Variants in SMYD4 observed in about 807,000 individuals in gnomAD.
SMYD4 encodes the protein protein-lysine N-methyltransferase SMYD4.
A neutral mutation model predicts 72.8 loss-of-function variants in SMYD4; 68 were observed. The observed-to-expected ratio is 0.93, with a 90% CI of 0.77 to 1.14. The LOEUF (loss-of-function observed/expected upper bound fraction) is 1.14. Ranked by LOEUF, SMYD4 falls within the 50% of genes most tolerant of loss-of-function variation. The pLI is 0.00. For synonymous variants in SMYD4, 407 were observed against 388.6 expected (o/e 1.05, Z -0.56); for missense variants, 984 against 1,003.7 (o/e 0.98, Z 0.27).
chr17:1,807,584 A>C (rs1910109147), intron 3 of SMYD4, among the ~76,000 whole-genome samples: 1 of 151,824 alleles, frequency 6.6e-6, no homozygotes, highest in Non-Finnish European at 1.5e-5. Context: ...GCTGGTCTTC[A>C]ACTTCCAACC....
chr17:1,786,993 A>G lies in SMYD4; in HGVS notation c.1721-20T>C, dbSNP rs1908728859. On this transcript the variant is annotated intron_variant, in intron 6 of 10. Transcript: ENST00000305513. ...GAGGCCCTGGAGGGAGATCACCGTC[A>G]GCCAATATTGAAAGCAAGAGAGAGT... 6.3e-7 allele frequency: 1 copy of G among 1,586,488 alleles called. No individual in the cohort carries two copies. Among genetic ancestry groups the G allele is most frequent in the Non-Finnish European group, 8.5e-7 (1 of 1,170,168 alleles).
At chr17:1,798,223 T>C (rs1909510391) in intron 5 of SMYD4, among the ~76,000 whole-genome samples, 1 of 151,518 alleles carries the variant, frequency 6.6e-6, no homozygotes. Flanking sequence ...CTCTGCCTCC[T>C]GGGCTGAAGT....
At chr17:1,785,506 G>A (rs113550034) in intron 7 of SMYD4, among the ~76,000 whole-genome samples, 24 of 150,688 alleles carry the variant, frequency 1.6e-4, no homozygotes, top group Admixed American at 5.3e-4. Flanking sequence ...TAATCCCAGC[G>A]CTTTGGGTGG....
intron 3 of SMYD4, among the ~76,000 whole-genome samples, chr17:1,810,669 G>A (rs947552246): frequency 6.6e-6 from 1 of 152,196 alleles, no homozygotes; most frequent in Non-Finnish European, 1.5e-5. Flanking sequence ...TCCCGCCTTC[G>A]CGCCCAAATG....
intron 2 of SMYD4, among the ~76,000 whole-genome samples, chr17:1,826,263 C>A (rs1285365483): frequency 2.0e-5 from 3 of 152,004 alleles, no homozygotes; most frequent in Non-Finnish European, 2.9e-5. Flanking sequence ...GAGGCCAAGG[C>A]GGGCGGATCA....
intron 2 of SMYD4, among the ~76,000 whole-genome samples, chr17:1,825,854 C>T (rs1396549997): frequency 9.9e-5 from 15 of 151,658 alleles, no homozygotes; most frequent in Admixed American, 7.3e-4. Flanking sequence ...TGGTTCACTC[C>T]ACCATCCTAA....
chr17:1,806,893 G>GCT (rs1222409177), intron 3 of SMYD4, among the ~76,000 whole-genome samples: 1 of 151,788 alleles, frequency 6.6e-6, no homozygotes, highest in African/African-American at 2.4e-5. Context: ...ACATACAAGG[G>GCT]TTTTTTTCTT....
chr17:1,822,796 C>T (rs1167914397), intron 2 of SMYD4, among the ~76,000 whole-genome samples: 8 of 152,096 alleles, frequency 5.3e-5, no homozygotes, highest in Non-Finnish European at 1.0e-4. Context: ...CTTTTATTTA[C>T]ACCACCAATC....
At position 1,827,989 on chromosome 17, in the gene SMYD4, A is replaced by G. The variant is rs377632089; in HGVS notation, c.6T>C (p.Asp2=). The G allele has an allele frequency of 1.2e-4, 195 of 1,609,186 alleles. No individual in the cohort carries two copies. The highest frequency in any genetic ancestry group is 1.6e-4 in the Non-Finnish European group (188 of 1,175,998). Residue 2 remains aspartate, a synonymous_variant, in exon 2 of 11, where the codon GAT becomes GAC. Coordinates refer to ENST00000305513, the MANE Select transcript of SMYD4 (RefSeq NM_052928.3). ...ATGATTTCCATTCATCCACAGGCAG[A>G]TCCATGCTGCTTTTGATCTATAAAA... The part of the protein sequence containing the change: M[D]LPVDEWKSYL...
At chr17:1,799,804 C>T in intron 5 of SMYD4, 53 bp downstream of exon 5, 5 of 1,473,730 alleles carry the variant, frequency 3.4e-6, no homozygotes, top group Non-Finnish European at 4.5e-6. Context: ...TTCTCAAACA[C>T]CTGCTCCATC....
intron 2 of SMYD4, among the ~76,000 whole-genome samples, chr17:1,826,113 A>G (rs1911153916): frequency 6.6e-6 from 1 of 152,188 alleles, no homozygotes; most frequent in Non-Finnish European, 1.5e-5. Context: ...ATTTATGAAG[A>G]TCTCCTACAA....
intron 3 of SMYD4, among the ~76,000 whole-genome samples, chr17:1,809,632 CCCAAAG>C (rs761988008): frequency 6.6e-6 from 1 of 151,472 alleles, no homozygotes; most frequent in Non-Finnish European, 1.5e-5. Flanking sequence ...GCCTCGGCCT[CCCAAAG>C]TGCTGGGATT....
At chr17:1,824,289 G>A (rs57905078) in intron 2 of SMYD4, among the ~76,000 whole-genome samples, 1,777 of 152,302 alleles carry the variant, frequency 0.012, 33 homozygotes, top group African/African-American at 0.04. Flanking sequence ...GTTGCAGTGA[G>A]CTGAGATTGC....
intron 3 of SMYD4, among the ~76,000 whole-genome samples, chr17:1,807,049 C>T (rs538611090): frequency 9.9e-5 from 15 of 152,014 alleles, no homozygotes; most frequent in Non-Finnish European, 2.1e-4. Context: ...CGCCACCATG[C>T]CCAGCTTATT....
chr17:1,806,508 T>C (rs1167945609), intron 3 of SMYD4, among the ~76,000 whole-genome samples: 2 of 152,150 alleles, frequency 1.3e-5, no homozygotes, highest in African/African-American at 2.4e-5. Flanking sequence ...GGCAATGATA[T>C]GGACAATTCT....
intron 3 of SMYD4, among the ~76,000 whole-genome samples, chr17:1,807,930 T>G (rs754902847): frequency 6.6e-6 from 1 of 152,100 alleles, no homozygotes; most frequent in Middle Eastern, 3.2e-3. Flanking sequence ...AAAATCTACA[T>G]GAACAGATTC....
chr17:1,824,705 C>T (rs961731703), intron 2 of SMYD4, among the ~76,000 whole-genome samples: 4 of 152,072 alleles, frequency 2.6e-5, no homozygotes, highest in Non-Finnish European at 5.9e-5. Context: ...CTGCACCCTC[C>T]GTCTCCCAGG....
At chr17:1,816,288 C>T (rs1910585995) in intron 2 of SMYD4, among the ~76,000 whole-genome samples, 1 of 152,024 alleles carries the variant, frequency 6.6e-6, no homozygotes, top group Admixed American at 6.6e-5. Flanking sequence ...CAAGGTACAT[C>T]ATGTTGTAGT....
chr17:1,800,486 G>A lies in SMYD4; in HGVS notation c.908C>T (p.Thr303Ile). Residue 303 changes from threonine to isoleucine, a missense_variant, in exon 5 of 11, where the codon ACT becomes ATT. Physicochemically the swap from Thr to Ile is moderately conservative, Grantham distance 89. Coordinates refer to ENST00000305513, the MANE Select transcript of SMYD4 (RefSeq NM_052928.3). The stretch of plus-strand genomic sequence containing the variant: ...TCCGTCACACGGAACTGTGGCCAAA[G>A]TGTGCTTCAAACATCGGTGACAATA... ...DLYCHRCLKH[T>I]LATVPCDGCS... The A allele has an allele frequency of 6.2e-7, 1 of 1,614,220 alleles. No homozygotes were observed. The highest frequency in any genetic ancestry group is 8.5e-7 in the Non-Finnish European group (1 of 1,180,044).
Sources: allele counts gnomAD v4.1 joint callset (sites outside exome capture counted in the v4.1 genomes callset), GRCh38; gene constraint gnomAD v4.1.1; transcripts MANE v1.5; gene names NCBI Gene and HGNC (gene_info 2026-07-23, HGNC 2026-07-21).